PDE1A: variants seen among roughly 807,000 people sequenced by gnomAD.
The protein encoded by PDE1A is dual specificity calcium/calmodulin-dependent 3',5'-cyclic nucleotide phosphodiesterase 1A.
PDE1A carries 35 observed loss-of-function variants against 61.7 expected under a neutral mutation model. That is an observed-to-expected ratio of 0.57 (90% CI 0.43 to 0.75). The LOEUF is 0.75. Ranked by LOEUF, PDE1A falls within the 30% of genes least tolerant of loss-of-function variation. The pLI is 0.00. For missense variants in PDE1A, 597 were observed against 630.6 expected (o/e 0.95, Z 0.57); for synonymous variants, 232 against 213.2 (o/e 1.09, Z -0.77).
chr2:182,481,920 C>T (rs1030779428), intron 2 of PDE1A, among the ~76,000 whole-genome samples: 12 of 151,882 alleles, frequency 7.9e-5, no homozygotes, highest in African/African-American at 2.9e-4. Context: ...TTTGAATCAG[C>T]TCAATCCCTT....
chr2:182,662,520 G>A, the PDE1A span, among the ~76,000 whole-genome samples: 27 of 152,054 alleles, frequency 1.8e-4, no homozygotes, highest in Non-Finnish European at 2.5e-4. Flanking sequence ...AATAGAGAGC[G>A]CAGAAATAAG....
intron 1 of PDE1A, among the ~76,000 whole-genome samples, chr2:182,303,954 G>A (rs1232766972): frequency 2.0e-5 from 3 of 152,090 alleles, no homozygotes; most frequent in African/African-American, 4.8e-5. Flanking sequence ...AGGCTGGAGT[G>A]CAGTGGCAAG....
intron 2 of PDE1A, among the ~76,000 whole-genome samples, chr2:182,469,823 G>A (rs1686913566): frequency 6.6e-6 from 1 of 151,800 alleles, no homozygotes; most frequent in South Asian, 2.1e-4. Context: ...TTACTAATTG[G>A]TCTAATTTCA....
intron 7 of PDE1A, 39 bp downstream of exon 7, chr2:182,223,825 A>C: frequency 8.4e-7 from 1 of 1,196,906 alleles, no homozygotes; most frequent in Non-Finnish European, 1.2e-6. Flanking sequence ...ATAAATTTCA[A>C]ATTTTAACTA....
chr2:182,679,946 A>G, the PDE1A span, among the ~76,000 whole-genome samples: 1 of 152,242 alleles, frequency 6.6e-6, no homozygotes, highest in African/African-American at 2.4e-5. Context: ...CAGATATTAC[A>G]ACATTATCAA....
chr2:182,293,666 T>C (rs959466783), intron 1 of PDE1A, among the ~76,000 whole-genome samples: 1 of 152,164 alleles, frequency 6.6e-6, no homozygotes, highest in Non-Finnish European at 1.5e-5. Context: ...CTACATGTGA[T>C]GACATTTAAT....
intron 1 of PDE1A, among the ~76,000 whole-genome samples, chr2:182,313,499 T>A (rs186569694): frequency 6.6e-6 from 1 of 152,352 alleles, no homozygotes; most frequent in Non-Finnish European, 1.5e-5. Flanking sequence ...CTAATCCAGA[T>A]TTTTCTTTCT....
At chr2:182,570,513 A>G in the PDE1A span, among the ~76,000 whole-genome samples, 1 of 152,356 alleles carries the variant, frequency 6.6e-6, no homozygotes, top group African/African-American at 2.4e-5. Flanking sequence ...GAGACAAAGT[A>G]ATACAGTAGA....
intron 13 of PDE1A, among the ~76,000 whole-genome samples, chr2:182,169,079 ATAAT>A (rs1691881404): frequency 1.3e-5 from 2 of 152,068 alleles, no homozygotes; most frequent in South Asian, 2.1e-4. Flanking sequence ...AATATCATAA[ATAAT>A]TTCTTTAACT....
chr2:182,644,696 T>C, the PDE1A span, among the ~76,000 whole-genome samples: 2 of 152,096 alleles, frequency 1.3e-5, no homozygotes, highest in African/African-American at 4.8e-5. Context: ...ATACAACCTG[T>C]TCAGAGGACT....
intron 2 of PDE1A, among the ~76,000 whole-genome samples, chr2:182,251,117 C>T (rs1691366553): frequency 3.3e-5 from 5 of 152,134 alleles, no homozygotes; most frequent in Admixed American, 3.3e-4. Flanking sequence ...GGCATAGAGC[C>T]TAATGCTCCA....
At chr2:182,144,996 T>C (rs1380566311), downstream of PDE1A, among the ~76,000 whole-genome samples, 4 of 152,284 alleles carry the variant, frequency 2.6e-5, no homozygotes, top group East Asian at 7.7e-4. Flanking sequence ...GCCTGTTGTC[T>C]CCCAGACACC....
the PDE1A span, among the ~76,000 whole-genome samples, chr2:182,654,844 T>C: frequency 1.3e-5 from 2 of 152,312 alleles, no homozygotes; most frequent in Admixed American, 1.3e-4. Flanking sequence ...CATTTCTTGA[T>C]GTTAACAAGC....
At chr2:182,404,141 G>A (rs1702173553) in intron 1 of PDE1A, among the ~76,000 whole-genome samples, 1 of 152,096 alleles carries the variant, frequency 6.6e-6, no homozygotes, top group Non-Finnish European at 1.5e-5. Flanking sequence ...GAAATTCTAT[G>A]CTTCAAATAG....
chr2:182,618,966 G>A, the PDE1A span, among the ~76,000 whole-genome samples: 3 of 151,638 alleles, frequency 2.0e-5, no homozygotes, highest in South Asian at 6.2e-4. Flanking sequence ...CTATGGCAGT[G>A]ACTCCCAAAT....
chr2:182,693,350 T>C, the PDE1A span, among the ~76,000 whole-genome samples: 1 of 152,202 alleles, frequency 6.6e-6, no homozygotes, highest in Admixed American at 6.5e-5. Context: ...TAAATATTTG[T>C]ATTCCTTATT....
At chr2:182,604,028 A>T in the PDE1A span, among the ~76,000 whole-genome samples, 1 of 151,724 alleles carries the variant, frequency 6.6e-6, no homozygotes, top group Non-Finnish European at 1.5e-5. Context: ...TTTAGTTTTA[A>T]AAAAAAAATT....
chr2:182,712,565 C>CTT, the PDE1A span, among the ~76,000 whole-genome samples: 1 of 151,076 alleles, frequency 6.6e-6, no homozygotes, highest in African/African-American at 2.4e-5. Flanking sequence ...CCATTTTTTT[C>CTT]TTTTTTTTTG....
chr2:182,234,983 T>G (rs1351902580), intron 3 of PDE1A, among the ~76,000 whole-genome samples: 5 of 152,226 alleles, frequency 3.3e-5, no homozygotes, highest in Non-Finnish European at 1.5e-5. Flanking sequence ...CCCCCTTCTT[T>G]TATTTAATGA....
Sources: gnomAD v4.1 joint callset for allele counts (sites outside exome capture counted in the v4.1 genomes callset) on GRCh38, gnomAD v4.1.1 for gene constraint, MANE v1.5 for transcripts, NCBI Gene and HGNC (gene_info 2026-07-23, HGNC 2026-07-21) for gene names.